The following PRKAR2A variants were observed in gnomAD, a reference collection of about 807,000 sequenced individuals.
The protein encoded by PRKAR2A is protein kinase cAMP-dependent type II regulatory subunit alpha, also known as cAMP-dependent protein kinase type II-alpha regulatory subunit.
Under a neutral mutation model 51.9 loss-of-function variants are expected in PRKAR2A, and 29 were observed. The observed-to-expected ratio is 0.56, with a 90% CI of 0.42 to 0.76. PRKAR2A has a LOEUF of 0.76. PRKAR2A is among the 30% of genes least tolerant of loss of function. The pLI, the probability that PRKAR2A is intolerant of heterozygous loss-of-function variation, is 0.00. For missense variants in PRKAR2A, 445 were observed against 512.1 expected, an observed-to-expected ratio of 0.87 and a Z score of 1.26; for synonymous variants, 178 against 186.2, an observed-to-expected ratio of 0.96 and a Z score of 0.36.
intron 4 of PRKAR2A, among the ~76,000 whole-genome samples, chr3:48,786,250 G>A (rs1247902197): frequency 5.4e-5 from 8 of 149,344 alleles, no homozygotes; most frequent in Admixed American, 3.4e-4. Context: ...TCAGCCTCCC[G>A]AGTAGCTGAG....
At chr3:48,829,605 A>AAT (rs1327786246) in intron 1 of PRKAR2A, among the ~76,000 whole-genome samples, 4 of 64,442 alleles carry the variant, frequency 6.2e-5, no homozygotes, top group Non-Finnish European at 8.5e-5. Flanking sequence ...CACACACATA[A>AAT]ATGTGTGTGT....
At chr3:48,824,534 C>A (rs2083025051) in intron 1 of PRKAR2A, among the ~76,000 whole-genome samples, 1 of 138,830 alleles carries the variant, frequency 7.2e-6, no homozygotes, top group Admixed American at 7.7e-5. Context: ...CTGTACATTC[C>A]AAAATCATAA....
intron 4 of PRKAR2A, among the ~76,000 whole-genome samples, chr3:48,788,753 G>A (rs1409731055): frequency 6.6e-6 from 1 of 152,002 alleles, no homozygotes; most frequent in African/African-American, 2.4e-5. Context: ...CCAGGAAGTG[G>A]GCTCCTGATC....
downstream of PRKAR2A, among the ~76,000 whole-genome samples, chr3:48,745,140 C>A (rs6442131): frequency 0.76 from 114,495 of 151,440 alleles, 43,752 homozygotes; most frequent in East Asian, 1. Context: ...CTCCCAAAGT[C>A]CTGGGATTAT....
intron 1 of PRKAR2A, among the ~76,000 whole-genome samples, chr3:48,825,247 CT>C (rs2083043455): frequency 6.6e-6 from 1 of 151,888 alleles, no homozygotes; most frequent in Non-Finnish European, 1.5e-5. Context: ...AACTCCCAAC[CT>C]TAGGAGTCTG....
Position 48,751,614 on chromosome 3 carries a change from T to G in PRKAR2A, c.1186A>C (p.Ser396Arg). 6.2e-7 allele frequency: 1 copy of G among 1,613,446 alleles called. No homozygotes were observed. ...TGCCCGAGGTTGCCCAGATCCACGCTGGAGCCAAACATCTTCACCAGCTGT... is the reference window on the plus strand; with the variant it reads ...TGCCCGAGGTTGCCCAGATCCACGCGGGAGCCAAACATCTTCACCAGCTGT... ...EEQLVKMFGS[S>R]VDLGNLGQ Residue 396 changes from serine to arginine, a missense_variant, in exon 11 of 11, where the codon AGC becomes CGC. Coordinates refer to ENST00000265563, the MANE Select transcript of PRKAR2A (RefSeq NM_004157.4).
intron 9 of PRKAR2A, 151 bp from the exon 10 acceptor site, chr3:48,752,468 C>T (rs2081666874): frequency 3.6e-6 from 3 of 832,706 alleles, no homozygotes; most frequent in South Asian, 2.0e-5. Context: ...CATGTAAACT[C>T]CATGGACTAA....
At position 48,752,157 on chromosome 3, in the gene PRKAR2A, C is replaced by A; in HGVS notation, c.1081+19G>T. The A allele has an allele frequency of 1.3e-6, 2 of 1,595,956 alleles. No homozygotes were observed. The highest frequency in any genetic ancestry group is 1.9e-5 in the Admixed American group (1 of 53,736). ...ACATGTTAGAAAAAGAATATTAATG[C>A]ATAAAGAACTTTTCTTACCTAAGCA... On this transcript the variant is annotated intron_variant, in intron 10 of 10. Transcript: ENST00000265563.
At chr3:48,790,478 T>A in intron 4 of PRKAR2A, 66 bp downstream of exon 4, 1 of 1,205,508 alleles carries the variant, frequency 8.3e-7, no homozygotes, top group Non-Finnish European at 1.2e-6. Flanking sequence ...AATTAAAGTT[T>A]AAGTGACAAA....
At chr3:48,834,805 C>T (rs931650951) in intron 1 of PRKAR2A, among the ~76,000 whole-genome samples, 7 of 149,458 alleles carry the variant, frequency 4.7e-5, no homozygotes, top group East Asian at 2.0e-4. Context: ...ATATAAGGAA[C>T]GAGTTTCCAG....
At chr3:48,837,536 C>G (rs1405895967) in intron 1 of PRKAR2A, among the ~76,000 whole-genome samples, 4 of 152,166 alleles carry the variant, frequency 2.6e-5, no homozygotes, top group Admixed American at 1.3e-4. Context: ...GGAAAACAGA[C>G]TGGCAATTCC....
At chr3:48,838,604 C>G (rs1473903531) in intron 1 of PRKAR2A, among the ~76,000 whole-genome samples, 1 of 78,036 alleles carries the variant, frequency 1.3e-5, no homozygotes, top group Non-Finnish European at 2.6e-5. Flanking sequence ...GAGACTCCAT[C>G]TTTAAAAAAA....
In PRKAR2A at chr3:48,847,388, C is replaced by T; in HGVS notation, c.209G>A (p.Arg70His). 1 of 1,611,458 alleles carries T rather than the reference C, an allele frequency of 6.2e-7. No homozygotes were observed. Among genetic ancestry groups the T allele is most frequent in the Non-Finnish European group, 8.5e-7 (1 of 1,178,896 alleles). The change falls in exon 1 of 11, where the codon CGT becomes CAT. Residue 70 changes from arginine (R) to histidine (H), a missense_variant. Arg to His is a conservative substitution (Grantham distance 29, BLOSUM62 0). Transcript: ENST00000265563. This position sits in a 1 kb window ranked among gnomAD's most constrained non-coding sequence, Gnocchi z 4.4. ...GCTGTCCCCTTTGGCGTCGGCGACA[C>T]GGTCCGGGCCGGGTTCTGGCGGGGG... ...GHPPPEPGPD[R>H]VADAKGDSES...
chr3:48,801,304 C>A (rs1454350347), intron 2 of PRKAR2A, among the ~76,000 whole-genome samples: 1 of 151,878 alleles, frequency 6.6e-6, no homozygotes, highest in African/African-American at 2.4e-5. Context: ...AGGCACCTGC[C>A]ACCATACCCA....
At chr3:48,828,995 G>C (rs1397062155) in intron 1 of PRKAR2A, among the ~76,000 whole-genome samples, 1 of 151,492 alleles carries the variant, frequency 6.6e-6, no homozygotes, top group Non-Finnish European at 1.5e-5. Flanking sequence ...CACCACACCC[G>C]GCTAATTTTT....
intron 2 of PRKAR2A, among the ~76,000 whole-genome samples, chr3:48,805,481 T>TTAGAGA (rs1468527683): frequency 6.6e-6 from 1 of 152,128 alleles, no homozygotes; most frequent in East Asian, 1.9e-4. Flanking sequence ...AGAAAGAATC[T>TTAGAGA]TAGAGATAGC....
In PRKAR2A at chr3:48,768,326, T is replaced by TAGAC. The variant is rs972124701; in HGVS notation, c.697-2978_697-2977insGTCT. On this transcript the variant is annotated intron_variant, in intron 6 of 10. Coordinates refer to ENST00000265563, the MANE Select transcript of PRKAR2A (RefSeq NM_004157.4). The stretch of plus-strand genomic sequence containing the variant: ...ATAGATAGATAGATAGATAGATAGA[T>TAGAC]AGATAGATAGATAGATATAGACAGA... Among the ~76,000 whole-genome samples, 20 of 149,250 alleles carry TAGAC rather than the reference T, an allele frequency of 1.3e-4. No homozygotes were observed. The East Asian group carries it at 2.0e-3, about 15-fold the overall frequency.
At chr3:48,778,183 AG>A (rs1213572153) in intron 5 of PRKAR2A, among the ~76,000 whole-genome samples, 1 of 152,094 alleles carries the variant, frequency 6.6e-6, no homozygotes, top group African/African-American at 2.4e-5. Flanking sequence ...TTGTAGAGAC[AG>A]GGGTCTCACT....
chr3:48,836,442 A>G (rs866398189), intron 1 of PRKAR2A, among the ~76,000 whole-genome samples: 56 of 129,106 alleles, frequency 4.3e-4, no homozygotes, highest in South Asian at 2.2e-3. Context: ...AAAAAAAAAA[A>G]AAGAAGAAGA....
Sources: allele counts gnomAD v4.1 joint callset (sites outside exome capture counted in the v4.1 genomes callset), GRCh38; gene constraint gnomAD v4.1.1; non-coding constraint Gnocchi (gnomAD v3.1); transcripts MANE v1.5; gene names NCBI Gene and HGNC (gene_info 2026-07-23, HGNC 2026-07-21).